Variants in VIT observed in about 807,000 individuals in gnomAD.
VIT encodes the protein vitrin.
In VIT, 99 loss-of-function variants were observed where a neutral mutation model predicts 78.0. The observed-to-expected ratio is 1.27, with a 90% CI of 1.08 to 1.50. VIT has a LOEUF of 1.50. VIT is among the 40% of genes most tolerant of loss of function. The pLI, the probability that VIT is intolerant of heterozygous loss-of-function variation, is 0.00. For missense variants in VIT, 1,126 were observed against 875.3 expected (o/e 1.29, Z -3.61); for synonymous variants, 374 against 334.3 (o/e 1.12, Z -1.29).
chr2:36,713,505 GA>G (rs1665935799), intron 1 of VIT, among the ~76,000 whole-genome samples: 2 of 152,174 alleles, frequency 1.3e-5, no homozygotes, highest in Non-Finnish European at 2.9e-5. Context: ...TGTCAGCCGA[GA>G]AATGCCATGA....
At chr2:36,719,511 A>G (rs779608597) in intron 2 of VIT, among the ~76,000 whole-genome samples, 1 of 152,204 alleles carries the variant, frequency 6.6e-6, no homozygotes, top group Admixed American at 6.5e-5. Context: ...ACATACAAAA[A>G]TCTGTAGCAC....
chr2:36,767,029 T>C (rs1176458975), intron 6 of VIT, 65 bp from the exon 7 acceptor site: 14 of 1,430,264 alleles, frequency 9.8e-6, no homozygotes, highest in Non-Finnish European at 1.2e-5. Context: ...ATTTATTTTA[T>C]TTCTAGTTCT....
intron 1 of VIT, among the ~76,000 whole-genome samples, chr2:36,713,398 A>G (rs976968778): frequency 5.3e-5 from 8 of 152,188 alleles, no homozygotes; most frequent in African/African-American, 1.9e-4. Flanking sequence ...GAGAAATGAG[A>G]ACAGAAGGGT....
At chr2:36,768,092 C>A (rs913644878) in intron 7 of VIT, among the ~76,000 whole-genome samples, 1 of 152,172 alleles carries the variant, frequency 6.6e-6, no homozygotes. Context: ...CCTCTCCGCT[C>A]CCATAGCAGA....
At chr2:36,700,054 T>G (rs1451842381) in intron 1 of VIT, among the ~76,000 whole-genome samples, 1 of 152,254 alleles carries the variant, frequency 6.6e-6, no homozygotes, top group South Asian at 2.1e-4. Flanking sequence ...AATAAAGAAA[T>G]CAGATAAGCT....
chr2:36,774,977 G>A (rs770508615), intron 8 of VIT, 25 bp from the exon 9 acceptor site: 11 of 1,612,552 alleles, frequency 6.8e-6, no homozygotes, highest in African/African-American at 5.3e-5. Context: ...TGTGTAAATC[G>A]GCTGACCCTG....
intron 7 of VIT, among the ~76,000 whole-genome samples, chr2:36,768,390 C>G (rs1246805834): frequency 6.6e-6 from 1 of 152,162 alleles, no homozygotes; most frequent in African/African-American, 2.4e-5. Context: ...CGAGATCGCA[C>G]CACTGCACTC....
At chr2:36,778,294 G>A (rs1439515438) in intron 9 of VIT, among the ~76,000 whole-genome samples, 2 of 152,156 alleles carry the variant, frequency 1.3e-5, no homozygotes, top group African/African-American at 4.8e-5. Flanking sequence ...CCTACACACT[G>A]CGTCCCCCAC....
chr2:36,758,475 C>G (rs1013592720), intron 5 of VIT, among the ~76,000 whole-genome samples: 1 of 152,194 alleles, frequency 6.6e-6, no homozygotes, highest in Non-Finnish European at 1.5e-5. Context: ...CCTGGGTGAG[C>G]AACACATGGT....
intron 7 of VIT, 82 bp downstream of exon 7, chr2:36,767,367 T>C: frequency 1.5e-6 from 2 of 1,349,376 alleles, no homozygotes; most frequent in South Asian, 3.7e-5. Flanking sequence ...TCTGAGCATC[T>C]ACTGGGCTGG....
At chr2:36,734,550 G>T (rs191084849) in intron 3 of VIT, among the ~76,000 whole-genome samples, 1 of 152,234 alleles carries the variant, frequency 6.6e-6, no homozygotes, top group African/African-American at 2.4e-5. Context: ...ATCAAAGGCT[G>T]ACCAAGTAGA....
intron 9 of VIT, among the ~76,000 whole-genome samples, chr2:36,778,647 A>C (rs1012259365): frequency 6.6e-6 from 1 of 152,208 alleles, no homozygotes; most frequent in African/African-American, 2.4e-5. Context: ...CCAGGACCCC[A>C]GACTGTCCTC....
intron 1 of VIT, among the ~76,000 whole-genome samples, chr2:36,713,456 C>G (rs1276975801): frequency 6.6e-6 from 1 of 152,180 alleles, no homozygotes; most frequent in Non-Finnish European, 1.5e-5. Context: ...GTAAAGACTT[C>G]GGCTTTTCTT....
chr2:36,787,594 T>C (rs1665193341), intron 12 of VIT, among the ~76,000 whole-genome samples: 1 of 152,248 alleles, frequency 6.6e-6, no homozygotes, highest in Non-Finnish European at 1.5e-5. Context: ...CTCTGTGGCC[T>C]TGGGCTAGGC....
rs144785978 is a variant in VIT at position 36,793,063 on chromosome 2, G to A, written c.1058+5787G>A. On this transcript the variant is annotated intron_variant, in intron 12 of 15. Transcript: ENST00000379242. ...CTACATTTTAACAAGATCCCCAGGTGATCAGATGCACATCTGAGCTTGGGA... is the reference window on the plus strand; with the variant it reads ...CTACATTTTAACAAGATCCCCAGGTAATCAGATGCACATCTGAGCTTGGGA... Among the ~76,000 whole-genome samples, 380 of 152,270 alleles carry A rather than the reference G, an allele frequency of 2.5e-3. 2 individuals carry two copies. Among genetic ancestry groups the A allele is most frequent in the Non-Finnish European group, 4.1e-3 (280 of 68,018 alleles).
chr2:36,793,949 G>T (rs1449040593), intron 12 of VIT, among the ~76,000 whole-genome samples: 2 of 152,110 alleles, frequency 1.3e-5, no homozygotes, highest in African/African-American at 4.8e-5. Context: ...GGATCTCCGA[G>T]CCCCATGGAT....
chr2:36,745,355 A>C (rs1054583546), intron 4 of VIT, among the ~76,000 whole-genome samples: 6 of 152,074 alleles, frequency 3.9e-5, no homozygotes, highest in African/African-American at 1.4e-4. Flanking sequence ...GAAAAATTTC[A>C]TTGGCAGTTT....
rs762917247 is a variant in VIT, at chr2:36,808,670, C to T, written c.1588C>T (p.Leu530Phe). Residue 530 changes from leucine (L) to phenylalanine (F), a missense_variant, in exon 15 of 16, where the codon CTC (leucine) becomes TTC (phenylalanine). Coordinates refer to ENST00000379242, the MANE Select transcript of VIT (RefSeq NM_053276.4). ...GGGGACGGGCAACTTCCGCACCGTC[C>T]TCCAGTTTGTGACCAACCTCACCAA... ...SVGTGNFRTV[L>F]QFVTNLTKEF... 1.9e-6 allele frequency: 3 copies of T among 1,614,212 alleles called. No homozygotes were observed. Among genetic ancestry groups the T allele is most frequent in the Non-Finnish European group, 1.7e-6 (2 of 1,180,042 alleles).
chr2:36,731,259 T>G (rs1667187880), intron 3 of VIT, among the ~76,000 whole-genome samples: 1 of 151,898 alleles, frequency 6.6e-6, no homozygotes, highest in African/African-American at 2.4e-5. Context: ...GAGTGGGAAA[T>G]GTCTTCATTT....
Sources: allele counts gnomAD v4.1 joint callset (sites outside exome capture counted in the v4.1 genomes callset), GRCh38; gene constraint gnomAD v4.1.1; transcripts MANE v1.5; gene names NCBI Gene and HGNC (gene_info 2026-07-23, HGNC 2026-07-21).